Variants in CACNA1C observed in about 807,000 individuals in gnomAD.
The protein encoded by CACNA1C is calcium voltage-gated channel subunit alpha1 C.
Under a neutral mutation model 229.0 loss-of-function variants are expected in CACNA1C, and 30 were observed. The ratio of observed to expected loss-of-function variants is 0.13; its 90% CI spans 0.10 to 0.18. The LOEUF (loss-of-function observed/expected upper bound fraction) is 0.18, where lower values mean the gene tolerates loss of function less well. Ranked by LOEUF, CACNA1C falls within the 10% of genes least tolerant of loss-of-function variation. The probability of loss-of-function intolerance (pLI) is 1.00; values close to 1 mark genes in which losing one functional copy is unlikely to be tolerated. For synonymous variants in CACNA1C, 1,114 were observed against 1,132.5 expected, an observed-to-expected ratio of 0.98 and a Z score of 0.33; for missense variants, 1,658 against 2,845.0, an observed-to-expected ratio of 0.58 and a Z score of 9.49.
intron 27 of CACNA1C, 24 bp from the exon 28 acceptor site, chr12:2,610,517 C>T (rs2077191922): frequency 1.9e-6 from 3 of 1,602,334 alleles, no homozygotes; most frequent in Non-Finnish European, 2.6e-6. Context: ...ACCCCACTCT[C>T]CCCATCCTCC....
chr12:2,045,856 T>C (rs1294377076), intron 1 of CACNA1C, among the ~76,000 whole-genome samples: 1 of 151,826 alleles, frequency 6.6e-6, no homozygotes, highest in Non-Finnish European at 1.5e-5. Context: ...GCAGATGTAA[T>C]TAACTTAAGA....
chr12:2,105,552 G>A (rs192959200), intron 1 of CACNA1C, among the ~76,000 whole-genome samples: 1 of 152,316 alleles, frequency 6.6e-6, no homozygotes, highest in Admixed American at 6.5e-5. Context: ...CATGGCGGCG[G>A]GCGCATCGGG....
chr12:2,166,641 C>A (rs76740974), intron 3 of CACNA1C, among the ~76,000 whole-genome samples: 4,741 of 152,276 alleles, frequency 0.031, 242 homozygotes, highest in African/African-American at 0.11. Context: ...TGTAATGTAT[C>A]CCTCATAGCG....
rs2050905964 is a variant in CACNA1C at position 2,566,394 on chromosome 12, C to T, written c.1509-28C>T. The T allele has an allele frequency of 1.3e-6, 2 of 1,557,444 alleles. No homozygotes were observed. Among genetic ancestry groups the T allele is most frequent in the East Asian group, 2.4e-5 (1 of 42,048 alleles). On this transcript the variant is annotated intron_variant, in intron 11 of 46. Coordinates refer to ENST00000399655, the MANE Select transcript of CACNA1C (RefSeq NM_000719.7). This position sits in a 1 kb window ranked among gnomAD's most constrained non-coding sequence, Gnocchi z 4.0. ...GGAAACCTGAATTCACAGCCAACCC[C>T]ACCCTTCTCTCCCTGTCCCCTTTCC...
chr12:2,365,564 T>C (rs2097699095), intron 3 of CACNA1C, among the ~76,000 whole-genome samples: 1 of 152,246 alleles, frequency 6.6e-6, no homozygotes, highest in African/African-American at 2.4e-5. Context: ...TCAGCATGTC[T>C]ACCACTGGCC....
In CACNA1C at chr12:2,067,509, G is replaced by A. The variant is rs2059816076; in HGVS notation, c.49+13898G>A. Among the ~76,000 whole-genome samples the A allele has an allele frequency of 6.7e-6, 1 of 148,972 alleles. No homozygotes were observed. Among genetic ancestry groups the A allele is most frequent in the South Asian group, 2.1e-4 (1 of 4,678 alleles). ...GCGCGTGTGCGTGCCTGTATGTAAG[G>A]GCAGGCACATGAAGACAGACTTTAT... On this transcript the variant is annotated intron_variant, in intron 1 of 46. Transcript: ENST00000399655. The surrounding 1 kb of genome is among the most constrained non-coding windows in gnomAD (Gnocchi z 5.3).
chr12:2,680,400 C>T (rs1198112378), intron 42 of CACNA1C: 2 of 1,560,092 alleles, frequency 1.3e-6, no homozygotes, highest in Admixed American at 1.9e-5. Context: ...TGGGACCTTC[C>T]CTCCCGCCCT....
intron 4 of CACNA1C, 110 bp downstream of exon 4, chr12:2,449,225 C>T (rs971155109): frequency 4.3e-5 from 31 of 728,558 alleles, no homozygotes; most frequent in Non-Finnish European, 5.9e-5. Context: ...GATTTAGGCT[C>T]GCAGATGATC....
At chr12:2,092,629 C>T (rs2071743900) in intron 1 of CACNA1C, among the ~76,000 whole-genome samples, 1 of 152,198 alleles carries the variant, frequency 6.6e-6, no homozygotes, top group African/African-American at 2.4e-5. Context: ...GAGAGGGTGA[C>T]TCTTGGGTCC....
intron 1 of CACNA1C, among the ~76,000 whole-genome samples, chr12:2,077,400 TTTTA>T (rs1337793733): frequency 1.1e-5 from 1 of 92,516 alleles, no homozygotes; most frequent in East Asian, 2.4e-4. Context: ...TTGTATTACT[TTTTA>T]AAGAGGAAGA....
rs562426049 is a variant in CACNA1C at position 2,004,331 on chromosome 12, A to G, written c.139+33130A>G. ...GGTGTACAGAGCCACCTGGCTGGCC[A>G]CGTCCACGATGCGGTTGATATAGGG... On this transcript the variant is annotated intron_variant, in intron 1 of 46. Transcript: ENST00000682462. The G allele has an allele frequency of 3.7e-6, 6 of 1,613,404 alleles. No homozygotes were observed. In the African/African-American group the frequency reaches 4.0e-5, roughly 11 times the overall value.
intron 3 of CACNA1C, among the ~76,000 whole-genome samples, chr12:2,272,690 T>C (rs1449168511): frequency 6.6e-6 from 1 of 152,190 alleles, no homozygotes; most frequent in African/African-American, 2.4e-5. Context: ...CCCATCAGTA[T>C]TATAATGTGG....
intron 3 of CACNA1C, among the ~76,000 whole-genome samples, chr12:2,252,150 A>G (rs2075810203): frequency 6.6e-6 from 1 of 152,174 alleles, no homozygotes; most frequent in Admixed American, 6.5e-5. Flanking sequence ...CCACTAAATC[A>G]AGTTGGCTCA....
intron 6 of CACNA1C, among the ~76,000 whole-genome samples, chr12:2,492,467 C>A (rs988402868): frequency 3.9e-5 from 6 of 152,202 alleles, no homozygotes; most frequent in Non-Finnish European, 8.8e-5. Context: ...GAGCAAAGGG[C>A]AGAGCTGTGA....
chr12:2,066,642 T>A (rs1433231624), intron 1 of CACNA1C, among the ~76,000 whole-genome samples: 1 of 152,100 alleles, frequency 6.6e-6, no homozygotes, highest in Non-Finnish European at 1.5e-5. Context: ...TCAAGAATTT[T>A]GGCTGTGAAT....
chr12:1,985,277 T>C (rs1398714065), intron 1 of CACNA1C, among the ~76,000 whole-genome samples: 1 of 152,222 alleles, frequency 6.6e-6, no homozygotes, highest in African/African-American at 2.4e-5. Context: ...CACGGATTTC[T>C]GAAGGCCCTG....
In CACNA1C at chr12:2,215,217, G is replaced by T. The variant is rs2059686000; in HGVS notation, c.477+94787G>T. On this transcript the variant is annotated intron_variant, in intron 3 of 46. Coordinates refer to ENST00000399655, the MANE Select transcript of CACNA1C (RefSeq NM_000719.7). This position sits in a 1 kb window ranked among gnomAD's most constrained non-coding sequence, Gnocchi z 5.0. ...TTTGCTTGGATTTAATCTGCTATTT[G>T]TGGGTGTTCTGTTGCATTCAGTGGG... Among the ~76,000 whole-genome samples, 1 of 152,222 alleles carries T rather than the reference G, an allele frequency of 6.6e-6. No individual in the cohort carries two copies. Among genetic ancestry groups the T allele is most frequent in the South Asian group, 2.1e-4 (1 of 4,834 alleles).
chr12:2,691,146 C>CG lies in CACNA1C; in HGVS notation c.6365dup (p.Pro2123ThrfsTer3), dbSNP rs1338439838. On this transcript the variant is annotated frameshift_variant, in exon 47 of 47. Transcript: ENST00000399655. LOFTEE classifies it high-confidence loss of function. ...CGCGGGCTGTGTGCGCGCGCGGGGT[C>CG]GACCGAGTGAGGAGGAGCTCCAGGA... 1 of 1,606,058 alleles carries CG rather than the reference C, an allele frequency of 6.2e-7. No individual in the cohort carries two copies. The highest frequency in any genetic ancestry group is 1.7e-5 in the Admixed American group (1 of 59,766).
intron 9 of CACNA1C, among the ~76,000 whole-genome samples, chr12:2,531,560 T>G (rs1227394471): frequency 6.6e-6 from 1 of 152,212 alleles, no homozygotes; most frequent in Non-Finnish European, 1.5e-5. Flanking sequence ...AGAACAAGTC[T>G]GTGGCTAAGC....
Sources: allele counts gnomAD v4.1 joint callset (sites outside exome capture counted in the v4.1 genomes callset), GRCh38; gene constraint gnomAD v4.1.1; non-coding constraint Gnocchi (gnomAD v3.1); transcripts MANE v1.5; gene names NCBI Gene and HGNC (gene_info 2026-07-23, HGNC 2026-07-21).